Variants in AKAP3 observed in about 807,000 individuals in gnomAD.
AKAP3 encodes A-kinase anchoring protein 3.
A neutral mutation model predicts 57.2 loss-of-function variants in AKAP3; 27 were observed. That is an observed-to-expected ratio of 0.47 (90% CI 0.35 to 0.65). AKAP3 has a LOEUF of 0.65. Ranked by LOEUF, AKAP3 falls within the 30% of genes least tolerant of loss-of-function variation. The pLI, the probability that AKAP3 is intolerant of heterozygous loss-of-function variation, is 0.01. For missense variants in AKAP3, 959 were observed against 1,040.0 expected (o/e 0.92, Z 1.07); for synonymous variants, 334 against 392.3 (o/e 0.85, Z 1.76).
chr12:4,616,733 A>G (rs1010146101), intron 5 of AKAP3, among the ~76,000 whole-genome samples: 2 of 152,234 alleles, frequency 1.3e-5, no homozygotes, highest in East Asian at 3.8e-4. Context: ...GTAAACTTGA[A>G]GGTAGATCAA....
rs955962009 is a variant in AKAP3, at chr12:4,648,926, G to A, written c.-426C>T. On this transcript the variant is annotated 5_prime_UTR_variant, in exon 1 of 6. Coordinates refer to ENST00000228850, the MANE Select transcript of AKAP3 (RefSeq NM_001278309.2). ...AGCCTATACAGCCTATTCCAGATCTGAGATTCCAACAGCCAAAGTCTTTTC... is the reference window on the plus strand; with the variant it reads ...AGCCTATACAGCCTATTCCAGATCTAAGATTCCAACAGCCAAAGTCTTTTC... 3.9e-5 allele frequency: 24 copies of A among 618,380 alleles called. No individual in the cohort carries two copies. The highest frequency in any genetic ancestry group is 1.3e-4 in the African/African-American group (7 of 54,104). The allele number at this position is 618,380 out of a possible 1,614,324, so 38.3% of individuals were successfully genotyped here.
chr12:4,627,929 G>A lies in AKAP3; in HGVS notation c.973C>T (p.His325Tyr). 6.2e-7 allele frequency: 1 copy of A among 1,614,146 alleles called. No homozygotes were observed. Among genetic ancestry groups the A allele is most frequent in the South Asian group, 1.1e-5 (1 of 91,070 alleles). Residue 325 changes from histidine to tyrosine, a missense_variant, in exon 5 of 6, where the codon CAT (histidine) becomes TAT (tyrosine). Physicochemically the swap from His to Tyr is moderately conservative, Grantham distance 83. Transcript: ENST00000228850. ...TILLKKVLLK[H>Y]AKEVVSDLID... ...AGATCCGAGACCACCTCTTTTGCAT[G>A]CTTGAGCAGAACCTTCTTCAGTAGG... is the stretch of plus-strand genomic sequence containing the variant.
intron 2 of AKAP3, 84 bp downstream of exon 2, chr12:4,644,971 C>T (rs1216431215): frequency 6.6e-6 from 1 of 152,176 alleles, no homozygotes; most frequent in African/African-American, 2.4e-5. Flanking sequence ...TAACAATTTT[C>T]CTATCACTTG....
intron 1 of AKAP3, among the ~76,000 whole-genome samples, chr12:4,646,774 A>T (rs916258882): frequency 1.3e-5 from 2 of 152,022 alleles, no homozygotes; most frequent in Non-Finnish European, 2.9e-5. Flanking sequence ...ATTTGTCAAA[A>T]TATCTCAGTT....
intron 1 of AKAP3, among the ~76,000 whole-genome samples, chr12:4,647,058 C>G (rs1945708396): frequency 6.6e-6 from 1 of 151,972 alleles, no homozygotes; most frequent in African/African-American, 2.4e-5. Flanking sequence ...GCTGGGATTA[C>G]AGGCATGAGC....
chr12:4,649,035 C>A lies in AKAP3; in HGVS notation c.-535G>T. The A allele has an allele frequency of 6.9e-7, 1 of 1,450,940 alleles. No homozygotes were observed. The highest frequency in any genetic ancestry group is 9.5e-7 in the Non-Finnish European group (1 of 1,056,860). The allele number at this position is 1,450,940 out of a possible 1,614,324, so 89.9% of individuals were successfully genotyped here. A position where few individuals can be genotyped will look rare whatever the true frequency, so the allele number is the denominator to read the frequency against. ...CCCGAAACCGTCGTTTCTTGGTTAG[C>A]GCTTGCGCAGACAGGCGAGAAAGGT... is the stretch of plus-strand genomic sequence containing the variant. On this transcript the variant is annotated 5_prime_UTR_variant, in exon 1 of 6. Transcript: ENST00000228850.
At chr12:4,643,005 G>A (rs1163452079) in intron 2 of AKAP3, among the ~76,000 whole-genome samples, 2 of 152,152 alleles carry the variant, frequency 1.3e-5, no homozygotes, top group Admixed American at 1.3e-4. Context: ...TGACTCCTTT[G>A]GGAGATACGT....
intron 3 of AKAP3, among the ~76,000 whole-genome samples, chr12:4,639,134 T>G (rs1282928483): frequency 1.3e-5 from 2 of 152,230 alleles, no homozygotes; most frequent in Non-Finnish European, 2.9e-5. Context: ...GGCTTTGGCC[T>G]TAGTCTCACA....
At position 4,625,692 on chromosome 12, in the gene AKAP3, T is replaced by A. The variant is rs889191159; in HGVS notation, c.2406+804A>T. Among the ~76,000 whole-genome samples, 11 of 146,380 alleles carry A rather than the reference T, an allele frequency of 7.5e-5. No homozygotes were observed. Among genetic ancestry groups the A allele is most frequent in the Admixed American group, 1.4e-4 (2 of 14,670 alleles). ...ATCAAAAGCACTGAGGAAGAGAAAATGAGAGAGAGAGAGAGAGAGAGAGAG... is the reference window on the plus strand; with the variant it reads ...ATCAAAAGCACTGAGGAAGAGAAAAAGAGAGAGAGAGAGAGAGAGAGAGAG... On this transcript the variant is annotated intron_variant, in intron 5 of 5. Transcript: ENST00000228850. This position sits in a 1 kb window ranked among gnomAD's most constrained non-coding sequence, Gnocchi z 5.4.
At chr12:4,633,969 T>TC in intron 4 of AKAP3, among the ~76,000 whole-genome samples, 1 of 99,566 alleles carries the variant, frequency 1.0e-5, no homozygotes, top group East Asian at 3.1e-4. Context: ...ATATCTATAT[T>TC]CTTTTTTTTT....
At position 4,645,605 on chromosome 12, in the gene AKAP3, A is replaced by C. The variant is rs1017777847; in HGVS notation, c.-244-413T>G. 3 of 152,216 alleles carry C rather than the reference A, an allele frequency of 2.0e-5. 1 individual carries two copies. Among genetic ancestry groups the C allele is most frequent in the Non-Finnish European group, 1.5e-5 (1 of 68,036 alleles). 9.4% of individuals were successfully genotyped at this position (152,216 alleles called of 1,614,324 possible). On this transcript the variant is annotated intron_variant, in intron 1 of 5. Transcript: ENST00000228850. ...ACAGCGACAGATCATCAGGCACTAG[A>C]TTCTCATAAGGAGTGCACAACGTAC...
chr12:4,635,189 A>G (rs1945548775), intron 4 of AKAP3, among the ~76,000 whole-genome samples: 1 of 152,208 alleles, frequency 6.6e-6, no homozygotes, highest in Non-Finnish European at 1.5e-5. Flanking sequence ...ATTAAAAATT[A>G]AGTTCAAAAC....
At chr12:4,636,317 G>T (rs1034532793) in intron 4 of AKAP3, among the ~76,000 whole-genome samples, 30 of 152,242 alleles carry the variant, frequency 2.0e-4, no homozygotes, top group African/African-American at 6.5e-4. Flanking sequence ...GGACGAGAGT[G>T]TGTCTATGGC....
chr12:4,626,448 A>T, intron 5 of AKAP3, 48 bp downstream of exon 5: 3 of 1,570,292 alleles, frequency 1.9e-6, no homozygotes, highest in Non-Finnish European at 2.6e-6. Context: ...TTAAAGCCCT[A>T]GTTAAATCTT....
chr12:4,615,632 T>C lies in AKAP3; in HGVS notation c.*107A>G. 1 of 1,370,506 alleles carries C rather than the reference T, an allele frequency of 7.3e-7. No individual in the cohort carries two copies. The allele number at this position is 1,370,506 out of a possible 1,614,324, so 84.9% of individuals were successfully genotyped here. On this transcript the variant is annotated 3_prime_UTR_variant, in exon 6 of 6. Coordinates refer to ENST00000228850, the MANE Select transcript of AKAP3 (RefSeq NM_001278309.2). Reference sequence around the variant, plus strand: ...TGATGAGAGTGGTGTGAAGATAATGTTAGGGCTCTGTGAGGATATAGAGGG... The same window carrying C: ...TGATGAGAGTGGTGTGAAGATAATGCTAGGGCTCTGTGAGGATATAGAGGG...
chr12:4,638,203 G>A lies in AKAP3; in HGVS notation c.1-7C>T, dbSNP rs1348304367. The A allele has an allele frequency of 3.1e-6, 5 of 1,591,026 alleles. No homozygotes were observed. The highest frequency in any genetic ancestry group is 1.8e-5 in the Admixed American group (1 of 56,586). ...AGTCAACCTTTTCTGACATCTGGAAGCAGGGGAAAAAAATGAGAAAGGGTC... is the reference window on the plus strand; with the variant it reads ...AGTCAACCTTTTCTGACATCTGGAAACAGGGGAAAAAAATGAGAAAGGGTC... On this transcript the variant is annotated splice_polypyrimidine_tract_variant and splice_region_variant and intron_variant, in intron 3 of 5. Transcript: ENST00000228850.
At chr12:4,618,515 G>A (rs1216711298) in intron 5 of AKAP3, among the ~76,000 whole-genome samples, 1 of 152,192 alleles carries the variant, frequency 6.6e-6, no homozygotes, top group Admixed American at 6.5e-5. Context: ...AAGCATGTAG[G>A]CAAAAACAAG....
Position 4,643,864 on chromosome 12 carries a change from C to T in AKAP3, c.-107+1191G>A, listed in dbSNP as rs1945666628. ...CTCCTGTTTACCCAAGGTTCCTAAA[C>T]TCATGTAAAAACTCAGATTGCAGAA... On this transcript the variant is annotated intron_variant, in intron 2 of 5. Coordinates refer to ENST00000228850, the MANE Select transcript of AKAP3 (RefSeq NM_001278309.2). Among the ~76,000 whole-genome samples, 2 of 152,200 alleles carry T rather than the reference C, an allele frequency of 1.3e-5. 1 individual carries two copies. Among genetic ancestry groups the T allele is most frequent in the South Asian group, 4.1e-4 (2 of 4,824 alleles).
At chr12:4,635,141 T>C (rs2359250) in intron 4 of AKAP3, among the ~76,000 whole-genome samples, 31,459 of 152,012 alleles carry the variant, frequency 0.21, 3,828 homozygotes, top group East Asian at 0.35. Flanking sequence ...CATTTTTCCC[T>C]ATTGCTGAAA....
Sources: allele counts gnomAD v4.1 joint callset (sites outside exome capture counted in the v4.1 genomes callset), GRCh38; gene constraint gnomAD v4.1.1; non-coding constraint Gnocchi (gnomAD v3.1); transcripts MANE v1.5; gene names NCBI Gene and HGNC (gene_info 2026-07-23, HGNC 2026-07-21).